Variants in SEMA3A observed in about 807,000 individuals in gnomAD.
SEMA3A encodes semaphorin 3A, also known as semaphorin-3A.
Under a neutral mutation model 97.9 loss-of-function variants are expected in SEMA3A, and 29 were observed. The observed-to-expected ratio is 0.30, with a 90% CI of 0.22 to 0.40. SEMA3A has a LOEUF of 0.40. SEMA3A is among the 10% of genes least tolerant of loss of function. The pLI, the probability that SEMA3A is intolerant of heterozygous loss-of-function variation, is 1.00. For synonymous variants in SEMA3A, 321 were observed against 323.7 expected (o/e 0.99, Z 0.09); for missense variants, 763 against 951.3 (o/e 0.80, Z 2.60).
intron 2 of SEMA3A, among the ~76,000 whole-genome samples, chr7:84,326,675 C>A (rs1801782367): frequency 6.6e-6 from 1 of 151,808 alleles, no homozygotes; most frequent in African/African-American, 2.4e-5. Flanking sequence ...ATATCATAGA[C>A]CTGTTTTTAA....
chr7:84,305,346 A>G (rs1437729043), intron 3 of SEMA3A, among the ~76,000 whole-genome samples: 1 of 151,890 alleles, frequency 6.6e-6, no homozygotes, highest in Non-Finnish European at 1.5e-5. Context: ...ATCCTAGCTT[A>G]TATGTGTGTT....
At chr7:84,321,872 G>GA (rs1156548285) in intron 2 of SEMA3A, among the ~76,000 whole-genome samples, 308 of 12,044 alleles carry the variant, frequency 0.026, 28 homozygotes, top group African/African-American at 0.042. Flanking sequence ...CGAGACTACG[G>GA]AAAAAAAAAA....
At chr7:84,472,185 T>A (rs1806171248) in intron 1 of SEMA3A, among the ~76,000 whole-genome samples, 1 of 151,884 alleles carries the variant, frequency 6.6e-6, no homozygotes, top group African/African-American at 2.4e-5. Flanking sequence ...AAGAGAAAAA[T>A]GATAATATTG....
chr7:83,987,085 CATCTT>C (rs1210208655), intron 12 of SEMA3A, among the ~76,000 whole-genome samples: 12 of 150,084 alleles, frequency 8.0e-5, no homozygotes, highest in African/African-American at 2.7e-4. Context: ...TATTTATACA[CATCTT>C]ATCTAATATA....
intron 6 of SEMA3A, among the ~76,000 whole-genome samples, chr7:84,024,453 C>T (rs565787278): frequency 3.3e-5 from 5 of 151,488 alleles, no homozygotes; most frequent in African/African-American, 4.8e-5. Flanking sequence ...GGCTGAGGCA[C>T]GAGAATTGCT....
intron 1 of SEMA3A, among the ~76,000 whole-genome samples, chr7:84,178,082 A>G (rs956760203): frequency 2.0e-5 from 3 of 152,166 alleles, no homozygotes; most frequent in Non-Finnish European, 4.4e-5. Flanking sequence ...GGTTAATACA[A>G]TGCAGGGAAA....
intron 2 of SEMA3A, among the ~76,000 whole-genome samples, chr7:84,366,799 G>A (rs1802858438): frequency 6.6e-6 from 1 of 151,266 alleles, no homozygotes; most frequent in Non-Finnish European, 1.5e-5. Context: ...TAAAGTGATA[G>A]GCATACTAGT....
exon 1 of SEMA3A, chr7:84,492,518 G>C (rs1262073739): frequency 5.3e-5 from 8 of 152,050 alleles, no homozygotes; most frequent in Admixed American, 5.3e-4. Context: ...TTCTTACCTA[G>C]CTCCAGGTTG....
chr7:84,023,906 G>A (rs937459270), intron 6 of SEMA3A, among the ~76,000 whole-genome samples: 3 of 151,926 alleles, frequency 2.0e-5, no homozygotes, highest in African/African-American at 7.3e-5. Flanking sequence ...CAGCTACTCG[G>A]GAGGCTGAGG....
intron 2 of SEMA3A, among the ~76,000 whole-genome samples, chr7:84,321,092 C>T (rs79360294): frequency 0.026 from 4,013 of 152,128 alleles, 179 homozygotes; most frequent in African/African-American, 0.091. Flanking sequence ...TCACAGTTTT[C>T]GAAATTTTAG....
chr7:83,994,434 C>T lies in SEMA3A; in HGVS notation c.1452+7521G>A. ...CAGTTTTTCTGCTCTGTTTTTTCCC[C>T]ATCTTTGTGGTTTTATCTACTTTTG... On this transcript the variant is annotated intron_variant, in intron 12 of 16. Transcript: ENST00000265362. Among the ~76,000 whole-genome samples, 2 of 121,258 alleles carry T rather than the reference C, an allele frequency of 1.6e-5. 1 individual carries two copies. Among genetic ancestry groups the T allele is most frequent in the Non-Finnish European group, 3.4e-5 (2 of 58,278 alleles). The allele number at this position is 121,258 out of a possible 152,430, so 79.5% of individuals were successfully genotyped here. A position where few individuals can be genotyped will look rare whatever the true frequency, so the allele number is the denominator to read the frequency against.
chr7:84,169,726 G>C (rs1797327093), intron 1 of SEMA3A, among the ~76,000 whole-genome samples: 1 of 151,450 alleles, frequency 6.6e-6, no homozygotes, highest in African/African-American at 2.4e-5. Context: ...ATGATGCCTT[G>C]TTTGGAAGTA....
At chr7:84,433,071 T>C (rs189422707) in intron 1 of SEMA3A, among the ~76,000 whole-genome samples, 75 of 149,986 alleles carry the variant, frequency 5.0e-4, no homozygotes, top group Admixed American at 1.8e-3. Flanking sequence ...TATTTGACTT[T>C]ATTATTATTA....
chr7:83,988,926 C>A (rs1301834870), intron 12 of SEMA3A, among the ~76,000 whole-genome samples: 2 of 147,002 alleles, frequency 1.4e-5, no homozygotes, highest in Admixed American at 6.8e-5. Context: ...GGTGCGATCT[C>A]GGCTCACTGC....
chr7:84,361,275 T>C (rs1171737815), intron 2 of SEMA3A, among the ~76,000 whole-genome samples: 1 of 152,032 alleles, frequency 6.6e-6, no homozygotes, highest in Non-Finnish European at 1.5e-5. Context: ...TTCTAAGAAG[T>C]ACAGCTAATA....
At chr7:84,094,483 A>G (rs1054317974) in intron 4 of SEMA3A, among the ~76,000 whole-genome samples, 1 of 152,134 alleles carries the variant, frequency 6.6e-6, no homozygotes, top group Admixed American at 6.6e-5. Context: ...TGGCATTATT[A>G]TATCTACTTG....
intron 3 of SEMA3A, among the ~76,000 whole-genome samples, chr7:84,207,612 G>A (rs1355815892): frequency 6.6e-6 from 1 of 152,130 alleles, no homozygotes; most frequent in Non-Finnish European, 1.5e-5. Flanking sequence ...AATGAAATAT[G>A]CTTAAATAAT....
intron 1 of SEMA3A, among the ~76,000 whole-genome samples, chr7:84,141,005 A>C (rs1796277343): frequency 6.6e-6 from 1 of 152,178 alleles, no homozygotes; most frequent in African/African-American, 2.4e-5. Context: ...TATTTCACCA[A>C]GGACTAGTTT....
intron 5 of SEMA3A, among the ~76,000 whole-genome samples, chr7:84,055,766 T>C (rs191462496): frequency 1.3e-4 from 20 of 152,288 alleles, no homozygotes; most frequent in Middle Eastern, 3.4e-3. Flanking sequence ...AGTGTTAATT[T>C]GACAATTTTC....
Sources: gnomAD v4.1 joint callset for allele counts (sites outside exome capture counted in the v4.1 genomes callset) on GRCh38, gnomAD v4.1.1 for gene constraint, MANE v1.5 for transcripts, NCBI Gene and HGNC (gene_info 2026-07-23, HGNC 2026-07-21) for gene names.